Variants in PRMT8 observed in about 807,000 individuals in gnomAD.
The protein encoded by PRMT8 is protein arginine methyltransferase 8.
In PRMT8, 7 loss-of-function variants were observed where a neutral mutation model predicts 47.1. The observed-to-expected ratio is 0.15, with a 90% confidence interval of 0.08 to 0.28. PRMT8 has a LOEUF of 0.28. PRMT8 is among the 10% of genes least tolerant of loss of function. The pLI is 1.00. For missense variants in PRMT8, 237 were observed against 505.4 expected, an observed-to-expected ratio of 0.47 and a Z score of 5.09; for synonymous variants, 188 against 186.5, an observed-to-expected ratio of 1.01 and a Z score of -0.07.
chr12:3,426,580 T>C (rs1254352184), intron 1 of PRMT8, among the ~76,000 whole-genome samples: 2 of 152,192 alleles, frequency 1.3e-5, no homozygotes, highest in African/African-American at 4.8e-5. Context: ...GAGAGCTGTC[T>C]TTGACTTGGC....
chr12:3,422,791 T>G (rs1459680885), intron 1 of PRMT8, among the ~76,000 whole-genome samples: 1 of 152,198 alleles, frequency 6.6e-6, no homozygotes, highest in African/African-American at 2.4e-5. Context: ...TACTTCTTTC[T>G]TTGGAGGCAG....
chr12:3,522,870 A>C (rs1865901146), intron 1 of PRMT8, among the ~76,000 whole-genome samples: 2 of 152,162 alleles, frequency 1.3e-5, no homozygotes. Context: ...AAATCACCTA[A>C]GAAACCCTTA....
chr12:3,490,709 GAGAGAGAGAGAA>G (rs1366262065), upstream of PRMT8, among the ~76,000 whole-genome samples: 2 of 132,378 alleles, frequency 1.5e-5, no homozygotes, highest in East Asian at 2.2e-4. Context: ...GAGAGAGAGA[GAGAGAGAGAGAA>G]AAGGATAAAG....
chr12:3,484,239 G>A (rs998774683), intron 1 of PRMT8, among the ~76,000 whole-genome samples: 2 of 152,144 alleles, frequency 1.3e-5, no homozygotes, highest in African/African-American at 4.8e-5. Context: ...ACCAGTCTTT[G>A]CTGTCATTTG....
intron 1 of PRMT8, among the ~76,000 whole-genome samples, chr12:3,434,277 G>A (rs1402824465): frequency 6.6e-6 from 1 of 152,132 alleles, no homozygotes; most frequent in Admixed American, 6.6e-5. Context: ...CCTGCATTGA[G>A]CTCGTTTTTC....
chr12:3,384,536 G>T (rs1864121902), intron 1 of PRMT8, among the ~76,000 whole-genome samples: 1 of 152,172 alleles, frequency 6.6e-6, no homozygotes, highest in Non-Finnish European at 1.5e-5. Context: ...CAGCATCTCA[G>T]TATTGTCAGG....
At chr12:3,398,827 T>C (rs779293705) in intron 1 of PRMT8, among the ~76,000 whole-genome samples, 8 of 152,184 alleles carry the variant, frequency 5.3e-5, no homozygotes, top group Non-Finnish European at 7.3e-5. Context: ...GCAGGGGGAA[T>C]GCAAAGGCAG....
At chr12:3,537,540 T>C (rs145332274) in intron 1 of PRMT8, among the ~76,000 whole-genome samples, 1 of 152,340 alleles carries the variant, frequency 6.6e-6, no homozygotes, top group East Asian at 1.9e-4. Context: ...CTAGACATCT[T>C]CTCTTATATG....
intron 1 of PRMT8, among the ~76,000 whole-genome samples, chr12:3,468,217 T>G (rs1461951584): frequency 6.6e-6 from 1 of 152,130 alleles, no homozygotes; most frequent in African/African-American, 2.4e-5. Flanking sequence ...CGTAAGCAGG[T>G]GCACTACTGT....
At chr12:3,545,865 C>T (rs969105452) in intron 2 of PRMT8, among the ~76,000 whole-genome samples, 1 of 152,208 alleles carries the variant, frequency 6.6e-6, no homozygotes, top group Non-Finnish European at 1.5e-5. Context: ...ACAACATGAG[C>T]TAATTGACAT....
At chr12:3,397,493 G>A (rs1223394506) in intron 1 of PRMT8, among the ~76,000 whole-genome samples, 3 of 150,680 alleles carry the variant, frequency 2.0e-5, no homozygotes, top group Non-Finnish European at 4.4e-5. Flanking sequence ...GTCTGCCCCT[G>A]CTGGGGGGTG....
intron 1 of PRMT8, among the ~76,000 whole-genome samples, chr12:3,484,482 T>C (rs1180626372): frequency 6.6e-6 from 1 of 152,254 alleles, no homozygotes; most frequent in Non-Finnish European, 1.5e-5. Flanking sequence ...CTGTCTGCTA[T>C]GGTTAAATAC....
rs764148015 is a variant in PRMT8, at chr12:3,592,217, C to T, written c.980-14C>T. 1 of 1,551,642 alleles carries T rather than the reference C, an allele frequency of 6.4e-7. No homozygotes were observed. The highest frequency in any genetic ancestry group is 2.5e-5 in the East Asian group (1 of 40,696). On this transcript the variant is annotated splice_polypyrimidine_tract_variant and intron_variant, in intron 8 of 9. Coordinates refer to ENST00000382622, the MANE Select transcript of PRMT8 (RefSeq NM_019854.5). ...ACTCTTTCTTCCCACCTCCCCTGTT[C>T]TCTCACCCCTCAGCCCCTGATGCTC...
chr12:3,497,569 C>T (rs1008241519), intron 1 of PRMT8, among the ~76,000 whole-genome samples: 1 of 152,144 alleles, frequency 6.6e-6, no homozygotes, highest in Admixed American at 6.5e-5. Flanking sequence ...TGATTCCAAT[C>T]CCTTTTTCTG....
intron 7 of PRMT8, among the ~76,000 whole-genome samples, chr12:3,581,076 A>G (rs1243427747): frequency 6.6e-6 from 1 of 152,202 alleles, no homozygotes. Context: ...ACCTAAATGC[A>G]AGCTGAACCA....
intron 1 of PRMT8, among the ~76,000 whole-genome samples, chr12:3,513,756 G>C (rs1011038896): frequency 9.9e-5 from 15 of 152,214 alleles, no homozygotes; most frequent in African/African-American, 3.1e-4. Flanking sequence ...TTCTGGAGAT[G>C]AGAGCCAGAA....
chr12:3,491,378 G>T lies in PRMT8; in HGVS notation c.-248G>T, dbSNP rs1373655195. 2 of 1,218,786 alleles carry T rather than the reference G, an allele frequency of 1.6e-6. No individual in the cohort carries two copies. Among genetic ancestry groups the T allele is most frequent in the African/African-American group, 3.1e-5 (2 of 64,342 alleles). The allele number at this position is 1,218,786 out of a possible 1,614,324, so 75.5% of individuals were successfully genotyped here. A position where few individuals can be genotyped will look rare whatever the true frequency, so the allele number is the denominator to read the frequency against. ...GCGGGTGGAGAGGGGCGGGGAGGGG[G>T]TCGGGGGCACGAGAAGAACTTGAAA... is the stretch of plus-strand genomic sequence containing the variant. On this transcript the variant is annotated 5_prime_UTR_variant, in exon 1 of 10. Transcript: ENST00000382622.
chr12:3,527,086 G>A (rs1159033866), intron 1 of PRMT8, among the ~76,000 whole-genome samples: 4 of 151,792 alleles, frequency 2.6e-5, no homozygotes, highest in African/African-American at 4.8e-5. Context: ...TGCATTTTGG[G>A]GGCAATCTAT....
chr12:3,505,716 C>G (rs1416931135), intron 1 of PRMT8, among the ~76,000 whole-genome samples: 4 of 152,218 alleles, frequency 2.6e-5, no homozygotes, highest in Admixed American at 2.6e-4. Flanking sequence ...ATGCTCTCTG[C>G]TGTTGACATG....
Sources: gnomAD v4.1 joint callset for allele counts (sites outside exome capture counted in the v4.1 genomes callset) on GRCh38, gnomAD v4.1.1 for gene constraint, MANE v1.5 for transcripts, NCBI Gene and HGNC (gene_info 2026-07-23, HGNC 2026-07-21) for gene names.